GALNT18: variants seen among roughly 807,000 people sequenced by gnomAD.
The protein encoded by GALNT18 is GalNAc-transferase 18.
In GALNT18, 44 loss-of-function variants were observed where a neutral mutation model predicts 69.5. That is an observed-to-expected ratio of 0.63 (90% CI 0.50 to 0.81). The LOEUF (loss-of-function observed/expected upper bound fraction) is 0.81, where lower values mean the gene tolerates loss of function less well. Among genes scored for constraint, GALNT18 ranks in the 40% least tolerant of loss-of-function variants. The probability of loss-of-function intolerance (pLI) is 0.00; values close to 1 mark genes in which losing one functional copy is unlikely to be tolerated. For missense variants in GALNT18, 715 were observed against 810.0 expected (o/e 0.88, Z 1.42); for synonymous variants, 364 against 318.2 (o/e 1.14, Z -1.53).
intron 6 of GALNT18, chr11:11,352,792 CG>C: frequency 6.2e-7 from 1 of 1,614,082 alleles, no homozygotes; most frequent in Non-Finnish European, 8.5e-7. Flanking sequence ...AAAACCAAGG[CG>C]GGGGTTCGTG....
chr11:11,452,373 A>C (rs1172037074), intron 1 of GALNT18, among the ~76,000 whole-genome samples: 1 of 152,202 alleles, frequency 6.6e-6, no homozygotes, highest in Admixed American at 6.5e-5. Context: ...GATAAATGAG[A>C]TGGTCAGGTA....
At chr11:11,298,788 A>G (rs1433814030) in intron 9 of GALNT18, among the ~76,000 whole-genome samples, 1 of 152,226 alleles carries the variant, frequency 6.6e-6, no homozygotes, top group Non-Finnish European at 1.5e-5. Flanking sequence ...TTCTTTGAAC[A>G]ACAGGTTATG....
At position 11,435,037 on chromosome 11, in the gene GALNT18, A is replaced by G. The variant is rs1240652194; in HGVS notation, c.429-2250T>C. ...CCATCTGTGGCCAAACAAATAGTAC[A>G]TGAATTCTTCTTTTATATAAAGTAT... is the stretch of plus-strand genomic sequence containing the variant. On this transcript the variant is annotated intron_variant, in intron 2 of 10. Transcript: ENST00000227756. This position sits in a 1 kb window ranked among gnomAD's most constrained non-coding sequence, Gnocchi z 4.4. Among the ~76,000 whole-genome samples, 1 of 152,204 alleles carries G rather than the reference A, an allele frequency of 6.6e-6. No homozygotes were observed. Among genetic ancestry groups the G allele is most frequent in the East Asian group, 1.9e-4 (1 of 5,192 alleles).
At chr11:11,553,021 G>C (rs969114718) in intron 1 of GALNT18, among the ~76,000 whole-genome samples, 1 of 152,126 alleles carries the variant, frequency 6.6e-6, no homozygotes, top group Admixed American at 6.6e-5. Context: ...TAGATCAGTA[G>C]TTTTCAAGTA....
intron 3 of GALNT18, among the ~76,000 whole-genome samples, chr11:11,397,672 T>C (rs528450046): frequency 1.4e-4 from 22 of 152,308 alleles, no homozygotes; most frequent in African/African-American, 4.3e-4. Flanking sequence ...GGTTTCACCA[T>C]GTTGGCCAGG....
At position 11,542,788 on chromosome 11, in the gene GALNT18, T is replaced by A. The variant is rs753601269; in HGVS notation, c.235+78571A>T. Among the ~76,000 whole-genome samples the A allele has an allele frequency of 6.6e-5, 10 of 152,254 alleles. No homozygotes were observed. Among genetic ancestry groups the A allele is most frequent in the Non-Finnish European group, 1.2e-4 (8 of 68,040 alleles). On this transcript the variant is annotated intron_variant, in intron 1 of 10. Transcript: ENST00000227756. The surrounding 1 kb of genome is among the most constrained non-coding windows in gnomAD (Gnocchi z 4.3). Reference sequence around the variant, plus strand: ...CCCTTTCTTCATTATTTCTGATCGATCTGCTTTTGATAGCACTTTCCAACA... The same window carrying A: ...CCCTTTCTTCATTATTTCTGATCGAACTGCTTTTGATAGCACTTTCCAACA...
chr11:11,385,356 T>C (rs537781577), intron 3 of GALNT18, among the ~76,000 whole-genome samples: 7 of 150,640 alleles, frequency 4.6e-5, no homozygotes, highest in East Asian at 2.0e-4. Context: ...AGTGCAGTGG[T>C]GCAATCTCGG....
At position 11,505,061 on chromosome 11, in the gene GALNT18, T is replaced by C. The variant is rs549543908; in HGVS notation, c.236-56125A>G. 6.6e-6 allele frequency among the ~76,000 whole-genome samples: 1 copy of C among 152,272 alleles called. No homozygotes were observed. Among genetic ancestry groups the C allele is most frequent in the East Asian group, 1.9e-4 (1 of 5,184 alleles). On this transcript the variant is annotated intron_variant, in intron 1 of 10. Transcript: ENST00000227756. This position sits in a 1 kb window ranked among gnomAD's most constrained non-coding sequence, Gnocchi z 4.6. ...GAACCCAGATATGTACAAAGTGCCA[T>C]GGGAACATAGGAAAAGGAGCAAAGT...
rs1858209824 is a variant in GALNT18, at chr11:11,552,067, CGTGA to C, written c.235+69288_235+69291del. Among the ~76,000 whole-genome samples the C allele has an allele frequency of 3.3e-5, 5 of 152,288 alleles. No homozygotes were observed. In the South Asian group the frequency reaches 1.0e-3, roughly 32 times the overall value. On this transcript the variant is annotated intron_variant, in intron 1 of 10. Transcript: ENST00000227756. ...TTGCTTCAGGCCATCTGGATATATA[CGTGA>C]GGTCATAGAGGATATGATGGCTTAG...
rs1039003590 is a variant in GALNT18 at position 11,601,942 on chromosome 11, C to T, written c.235+19417G>A. ...GATAGGAGAACTTACTGTGCTAGGT[C>T]GTCTAGCTGGCCTACTCTGTTTGTT... On this transcript the variant is annotated intron_variant, in intron 1 of 10. Transcript: ENST00000227756. This position sits in a 1 kb window ranked among gnomAD's most constrained non-coding sequence, Gnocchi z 4.0. Among the ~76,000 whole-genome samples, 4 of 152,130 alleles carry T rather than the reference C, an allele frequency of 2.6e-5. No homozygotes were observed. Among genetic ancestry groups the T allele is most frequent in the Non-Finnish European group, 5.9e-5 (4 of 68,024 alleles).
Position 11,602,886 on chromosome 11 carries a change from C to T in GALNT18, c.235+18473G>A, listed in dbSNP as rs73413663. ...ATGGTCTGGCAAGAGCTTTGTGCTG[C>T]TTCCAGGTACAGGAGTCAAAATGGG... On this transcript the variant is annotated intron_variant, in intron 1 of 10. Coordinates refer to ENST00000227756, the MANE Select transcript of GALNT18 (RefSeq NM_198516.3). This position sits in a 1 kb window ranked among gnomAD's most constrained non-coding sequence, Gnocchi z 4.7. 0.16 allele frequency among the ~76,000 whole-genome samples: 24,570 copies of T among 152,246 alleles called. 2,137 individuals are homozygous for T. Among genetic ancestry groups the T allele is most frequent in the Middle Eastern group, 0.26 (75 of 294 alleles).
intron 1 of GALNT18, among the ~76,000 whole-genome samples, chr11:11,483,817 T>A (rs1008255636): frequency 2.0e-5 from 3 of 152,138 alleles, no homozygotes; most frequent in Non-Finnish European, 2.9e-5. Context: ...AGACGTTACT[T>A]CAATAAATAA....
rs1475890568 is a variant in GALNT18, at chr11:11,444,608, TC to T, written c.428+4135del. 7.2e-5 allele frequency among the ~76,000 whole-genome samples: 11 copies of T among 152,208 alleles called. No individual in the cohort carries two copies. In the East Asian group the frequency reaches 1.9e-3, roughly 27 times the overall value. On this transcript the variant is annotated intron_variant, in intron 2 of 10. Coordinates refer to ENST00000227756, the MANE Select transcript of GALNT18 (RefSeq NM_198516.3). The surrounding 1 kb of genome is among the most constrained non-coding windows in gnomAD (Gnocchi z 4.4). The stretch of plus-strand genomic sequence containing the variant: ...GGCACTGGCACAGCATGGTCCTATC[TC>T]AGCCACATGACAAGCTGGGTCAGAT...
chr11:11,530,624 C>T (rs1857625038), intron 1 of GALNT18, among the ~76,000 whole-genome samples: 1 of 152,220 alleles, frequency 6.6e-6, no homozygotes, highest in African/African-American at 2.4e-5. Context: ...CCTCCCAGAC[C>T]ACATAGAGCT....
chr11:11,501,131 G>A (rs767260667), intron 1 of GALNT18, among the ~76,000 whole-genome samples: 59 of 152,176 alleles, frequency 3.9e-4, no homozygotes, highest in Non-Finnish European at 7.3e-4. Flanking sequence ...ATTTTCCCCA[G>A]ACTTGACAGC....
At chr11:11,568,732 C>T (rs1428814304) in intron 1 of GALNT18, among the ~76,000 whole-genome samples, 3 of 152,160 alleles carry the variant, frequency 2.0e-5, no homozygotes, top group Non-Finnish European at 2.9e-5. Context: ...CTTAAAACCA[C>T]GGAGTCTCTA....
Position 11,590,815 on chromosome 11 carries a change from T to G in GALNT18, c.235+30544A>C, listed in dbSNP as rs932855520. ...TGCATTCCTCAGGTGTTTGTGGTGA[T>G]GCTTATGTAAACAAACCTACCGCAC... On this transcript the variant is annotated intron_variant, in intron 1 of 10. Coordinates refer to ENST00000227756, the MANE Select transcript of GALNT18 (RefSeq NM_198516.3). The surrounding 1 kb of genome is among the most constrained non-coding windows in gnomAD (Gnocchi z 4.4). 6.6e-6 allele frequency among the ~76,000 whole-genome samples: 1 copy of G among 152,214 alleles called. No homozygotes were observed. The highest frequency in any genetic ancestry group is 1.5e-5 in the Non-Finnish European group (1 of 68,032).
chr11:11,418,642 T>C (rs1358965763), intron 3 of GALNT18, among the ~76,000 whole-genome samples: 1 of 152,200 alleles, frequency 6.6e-6, no homozygotes, highest in Admixed American at 6.5e-5. Flanking sequence ...TTGAGTGTTA[T>C]CATCTGCACT....
intron 1 of GALNT18, among the ~76,000 whole-genome samples, chr11:11,594,294 AT>A (rs1202336858): frequency 1.3e-5 from 2 of 152,192 alleles, no homozygotes; most frequent in African/African-American, 2.4e-5. Flanking sequence ...ACCACACATT[AT>A]TTTTTAAGCT....
Sources: allele counts gnomAD v4.1 joint callset (sites outside exome capture counted in the v4.1 genomes callset), GRCh38; gene constraint gnomAD v4.1.1; non-coding constraint Gnocchi (gnomAD v3.1); transcripts MANE v1.5; gene names NCBI Gene and HGNC (gene_info 2026-07-23, HGNC 2026-07-21).